Variants in PLXNA1 observed in about 807,000 individuals in gnomAD.
PLXNA1 encodes the protein plexin A1.
PLXNA1 carries 77 observed loss-of-function variants against 191.7 expected under a neutral mutation model. The observed-to-expected ratio is 0.40, with a 90% CI of 0.33 to 0.49. The LOEUF (loss-of-function observed/expected upper bound fraction) is 0.49, where lower values mean the gene tolerates loss of function less well. PLXNA1 is among the 20% of genes least tolerant of loss of function. The pLI, the probability that PLXNA1 is intolerant of heterozygous loss-of-function variation, is 0.63. For synonymous variants in PLXNA1, 1,137 were observed against 1,156.4 expected (o/e 0.98, Z 0.34); for missense variants, 2,110 against 2,660.2 (o/e 0.79, Z 4.55).
chr3:127,003,135 T>C (rs995984302), intron 3 of PLXNA1, among the ~76,000 whole-genome samples, 195 bp from the exon 4 acceptor site: 1 of 133,330 alleles, frequency 7.5e-6, no homozygotes, highest in African/African-American at 2.8e-5. Context: ...GAGTTTGCCC[T>C]GCACTGGGGC....
chr3:127,022,650 G>A lies in PLXNA1; in HGVS notation c.4296-102G>A, dbSNP rs1038139931. The A allele has an allele frequency of 2.7e-5, 30 of 1,094,132 alleles. No homozygotes were observed. In the South Asian group the frequency reaches 2.8e-4, roughly 10 times the overall value. 67.8% of individuals were successfully genotyped at this position (1,094,132 alleles called of 1,614,324 possible). A position where few individuals can be genotyped will look rare whatever the true frequency, so the allele number is the denominator to read the frequency against. On this transcript the variant is annotated intron_variant, in intron 22 of 31. Transcript: ENST00000393409. Reference sequence around the variant, plus strand: ...ACCTGACCTTCGGTGCTGTAGGAAGGGGGGCAGGGTGGGGTGGGATCGGTG... The same window carrying A: ...ACCTGACCTTCGGTGCTGTAGGAAGAGGGGCAGGGTGGGGTGGGATCGGTG...
At position 126,989,085 on chromosome 3, in the gene PLXNA1, G is replaced by A; in HGVS notation, c.492G>A (p.Gln164=). 1 of 1,613,428 alleles carries A rather than the reference G, an allele frequency of 6.2e-7. No individual in the cohort carries two copies. Among genetic ancestry groups the A allele is most frequent in the Non-Finnish European group, 8.5e-7 (1 of 1,180,038 alleles). ...HRKEHYLSSV[Q]EAGSMAGVLI... The stretch of plus-strand genomic sequence containing the variant: ...AGGAGCACTACCTGTCCAGCGTGCA[G>A]GAGGCAGGCAGCATGGCGGGCGTGC... Residue 164 remains glutamine (Q), a synonymous_variant, in exon 2 of 32, where the codon CAG becomes CAA. Transcript: ENST00000393409.
chr3:126,991,081 G>GCCTGC (rs2078987659), intron 2 of PLXNA1, among the ~76,000 whole-genome samples: 1 of 152,120 alleles, frequency 6.6e-6, no homozygotes, highest in African/African-American at 2.4e-5. Flanking sequence ...TCCCTTCCCT[G>GCCTGC]CCTGCCCTGC....
At chr3:127,004,811 C>A in intron 5 of PLXNA1, 74 bp from the exon 6 acceptor site, 1 of 1,582,634 alleles carries the variant, frequency 6.3e-7, no homozygotes, top group Non-Finnish European at 8.6e-7. Flanking sequence ...CCCGAGTTCT[C>A]TGCCCAGGTC....
In PLXNA1 at chr3:127,000,806, C is replaced by T. The variant is rs575419863; in HGVS notation, c.1378-2524C>T. 3.9e-5 allele frequency among the ~76,000 whole-genome samples: 6 copies of T among 152,330 alleles called. No homozygotes were observed. The East Asian group carries it at 1.2e-3, about 29-fold the overall frequency. ...CACAGGGGCCCTGCTGAGTCTGGACCGTGGCGCCTCAGTGAACAGTGTGGG... is the reference window on the plus strand; with the variant it reads ...CACAGGGGCCCTGCTGAGTCTGGACTGTGGCGCCTCAGTGAACAGTGTGGG... On this transcript the variant is annotated intron_variant, in intron 3 of 31. Transcript: ENST00000393409.
intron 25 of PLXNA1, 118 bp from the exon 26 acceptor site, chr3:127,028,875 G>T: frequency 7.1e-6 from 5 of 703,954 alleles, no homozygotes; most frequent in Non-Finnish European, 9.7e-6. Flanking sequence ...GCGGAGGTAT[G>T]TCCCTGCCCT....
intron 23 of PLXNA1, 41 bp from the exon 24 acceptor site, chr3:127,027,899 C>G: frequency 6.2e-7 from 1 of 1,610,792 alleles, no homozygotes; most frequent in Non-Finnish European, 8.5e-7. Flanking sequence ...GGGGGTAGGC[C>G]CGGGGGTCCT....
intron 21 of PLXNA1, 119 bp from the exon 22 acceptor site, chr3:127,021,966 A>T: frequency 7.0e-7 from 1 of 1,435,216 alleles, no homozygotes; most frequent in Non-Finnish European, 9.4e-7. Flanking sequence ...CTTGCCTTCC[A>T]GGCCTGTCCT....
chr3:127,006,111 T>A lies in PLXNA1; in HGVS notation c.1930T>A (p.Ser644Thr). The A allele has an allele frequency of 6.2e-7, 1 of 1,613,794 alleles. No individual in the cohort carries two copies. The highest frequency in any genetic ancestry group is 8.5e-7 in the Non-Finnish European group (1 of 1,179,954). Reference protein sequence around the residue: ...DQRVVKLYLKSKETGKKFASV... With the variant: ...DQRVVKLYLKTKETGKKFASV... ...GCGGGTGGTGAAACTCTACCTAAAG[T>A]CCAAGGAGACAGGGAAGAAGTTTGC... Residue 644 changes from serine (S) to threonine (T), a missense_variant, in exon 8 of 32, where the codon TCC (serine) becomes ACC (threonine). This residue lies in a region of PLXNA1 where 903 missense variants were observed against 1,015.7 expected (regional missense o/e 0.89). Transcript: ENST00000393409.
chr3:127,028,402 C>T (rs1280813759), intron 25 of PLXNA1, 62 bp downstream of exon 25: 12 of 1,531,260 alleles, frequency 7.8e-6, no homozygotes, highest in African/African-American at 1.4e-5. Flanking sequence ...AGGGCCATGG[C>T]CTAGTACTGA....
At chr3:126,992,497 T>C (rs2078995648) in intron 3 of PLXNA1, among the ~76,000 whole-genome samples, 2 of 152,052 alleles carry the variant, frequency 1.3e-5, no homozygotes, top group Non-Finnish European at 2.9e-5. Context: ...GGGCCTCCCA[T>C]CTCTGCCATG....
rs75842652 is a variant in PLXNA1, at chr3:126,996,699, T to G, written c.1377+5133T>G. ...TGGAGAGGCTGCTGTCCCCCACCATTGAGTTTCATCTTGTGTGTTGTTGAG... is the reference window on the plus strand; with the variant it reads ...TGGAGAGGCTGCTGTCCCCCACCATGGAGTTTCATCTTGTGTGTTGTTGAG... On this transcript the variant is annotated intron_variant, in intron 3 of 31. Transcript: ENST00000393409. Among the ~76,000 whole-genome samples, 286 of 152,304 alleles carry G rather than the reference T, an allele frequency of 1.9e-3. 1 individual carries two copies. Among genetic ancestry groups the G allele is most frequent in the African/African-American group, 6.6e-3 (273 of 41,576 alleles).
In PLXNA1 at chr3:127,017,533, G is replaced by A. The variant is rs1355658631; in HGVS notation, c.3385G>A (p.Val1129Ile). Residue 1129 changes from valine (V) to isoleucine (I), a missense_variant, in exon 18 of 32, where the codon GTC becomes ATC. Val to Ile is a conservative substitution (Grantham distance 29). Coordinates refer to ENST00000393409, the MANE Select transcript of PLXNA1 (RefSeq NM_032242.4). ...GGAGCGGCCGGATGAGCTGGGCTTC[G>A]TCATGGACAACGTGCGCTCCCTGCT... ...LGERPDELGF[V>I]MDNVRSLLVL... 18 of 1,613,528 alleles carry A rather than the reference G, an allele frequency of 1.1e-5. No homozygotes were observed. Among genetic ancestry groups the A allele is most frequent in the Non-Finnish European group, 1.4e-5 (17 of 1,180,008 alleles).
chr3:126,989,292 G>A lies in PLXNA1; in HGVS notation c.699G>A (p.Ser233=), dbSNP rs555440574. The A allele has an allele frequency of 2.1e-5, 34 of 1,613,556 alleles. No individual in the cohort carries two copies. Among genetic ancestry groups the A allele is most frequent in the South Asian group, 5.5e-5 (5 of 91,088 alleles). ...EFVSSQLKIP[S]DTLSKFPAFD... ...TGTCATCACAGCTCAAGATCCCTTCGGACACGCTGTCCAAGTTCCCGGCCT... is the reference window on the plus strand; with the variant it reads ...TGTCATCACAGCTCAAGATCCCTTCAGACACGCTGTCCAAGTTCCCGGCCT... Residue 233 remains serine (S), a synonymous_variant, in exon 2 of 32, where the codon TCG becomes TCA. Coordinates refer to ENST00000393409, the MANE Select transcript of PLXNA1 (RefSeq NM_032242.4).
Position 126,989,508 on chromosome 3 carries a change from G to A in PLXNA1, c.915G>A (p.Ala305=), listed in dbSNP as rs139482007. ...AGTTCCCCATTGGCTGCGAGCAGGC[G>A]GGTGTGGAGTACCGCCTGGTGCAGG... ...YVEFPIGCEQ[A]GVEYRLVQDA... Residue 305 remains alanine (A), a synonymous_variant, in exon 2 of 32, where the codon GCG becomes GCA. Transcript: ENST00000393409. The A allele has an allele frequency of 2.1e-5, 34 of 1,613,356 alleles. No homozygotes were observed. The highest frequency in any genetic ancestry group is 7.7e-5 in the South Asian group (7 of 91,084).
At chr3:127,013,310 G>C (rs1237611748) in intron 10 of PLXNA1, among the ~76,000 whole-genome samples, 1 of 144,226 alleles carries the variant, frequency 6.9e-6, no homozygotes, top group Non-Finnish European at 1.5e-5. Context: ...TGTGTTTAAA[G>C]GGAAGCGGGA....
chr3:127,024,067 T>C (rs79184408), intron 23 of PLXNA1, among the ~76,000 whole-genome samples: 12,507 of 152,224 alleles, frequency 0.082, 758 homozygotes, highest in East Asian at 0.24. Context: ...CTGTAGAAAG[T>C]ACAGTTCTAT....
At chr3:126,994,010 G>A (rs189672836) in intron 3 of PLXNA1, among the ~76,000 whole-genome samples, 1 of 152,248 alleles carries the variant, frequency 6.6e-6, no homozygotes, top group African/African-American at 2.4e-5. Context: ...GAGCCTTGGT[G>A]TCTCCTCGTA....
intron 9 of PLXNA1, among the ~76,000 whole-genome samples, chr3:127,010,313 T>C (rs1480049347): frequency 1.3e-5 from 2 of 152,168 alleles, no homozygotes; most frequent in African/African-American, 4.8e-5. Flanking sequence ...GAGCTGTCAT[T>C]GATCCCAGGA....
Sources: gnomAD v4.1 joint callset for allele counts (sites outside exome capture counted in the v4.1 genomes callset) on GRCh38, gnomAD v4.1.1 for gene constraint, gnomAD v4.1.1 regional missense constraint, MANE v1.5 for transcripts, NCBI Gene and HGNC (gene_info 2026-07-23, HGNC 2026-07-21) for gene names.